TTC1: variants seen among roughly 807,000 people sequenced by gnomAD.
The protein encoded by TTC1 is tetratricopeptide repeat protein 1.
Under a neutral mutation model 37.6 loss-of-function variants are expected in TTC1, and 31 were observed. The observed-to-expected ratio is 0.82, with a 90% CI of 0.62 to 1.11. The LOEUF (loss-of-function observed/expected upper bound fraction) is 1.11, where lower values mean the gene tolerates loss of function less well. Ranked by LOEUF, TTC1 falls within the 50% of genes most tolerant of loss-of-function variation. TTC1 has a pLI of 0.00. For missense variants in TTC1, 351 were observed against 339.0 expected (o/e 1.04, Z -0.28); for synonymous variants, 127 against 122.4 (o/e 1.04, Z -0.25).
intron 2 of TTC1, among the ~76,000 whole-genome samples, chr5:160,022,496 G>A (rs374575600): frequency 2.6e-5 from 4 of 152,160 alleles, no homozygotes; most frequent in South Asian, 2.1e-4. Flanking sequence ...TCCATTTGAA[G>A]CTCTTAGCAC....
intron 4 of TTC1, among the ~76,000 whole-genome samples, 200 bp from the exon 5 acceptor site, chr5:160,042,933 C>T (rs920358084): frequency 6.6e-6 from 1 of 152,294 alleles, no homozygotes; most frequent in Non-Finnish European, 1.5e-5. Context: ...TACCAGGAGG[C>T]CTTCAGATCA....
chr5:160,043,524 T>C (rs1466667085), intron 5 of TTC1, among the ~76,000 whole-genome samples: 3 of 152,074 alleles, frequency 2.0e-5, no homozygotes, highest in African/African-American at 4.8e-5. Context: ...GCCCAGGAGG[T>C]TGGGGCTGTG....
intron 2 of TTC1, among the ~76,000 whole-genome samples, chr5:160,032,430 C>T (rs898597398): frequency 6.6e-6 from 1 of 152,162 alleles, no homozygotes; most frequent in Non-Finnish European, 1.5e-5. Context: ...TCCAACACCC[C>T]TTCCTATTTG....
At chr5:160,014,726 A>G (rs890747870) in intron 2 of TTC1, among the ~76,000 whole-genome samples, 7 of 152,098 alleles carry the variant, frequency 4.6e-5, no homozygotes, top group African/African-American at 1.7e-4. Flanking sequence ...AAATAATTTT[A>G]AAATCGTCAC....
chr5:160,028,986 T>C (rs900777829), intron 2 of TTC1, among the ~76,000 whole-genome samples: 16 of 152,286 alleles, frequency 1.1e-4, no homozygotes, highest in African/African-American at 3.8e-4. Context: ...AAAAGATAAT[T>C]CCATTAACTT....
At chr5:160,017,553 G>C (rs893475640) in intron 2 of TTC1, among the ~76,000 whole-genome samples, 1 of 152,118 alleles carries the variant, frequency 6.6e-6, no homozygotes, top group Non-Finnish European at 1.5e-5. Context: ...GACACATTCA[G>C]ACCATAGCAA....
chr5:160,032,162 C>T (rs1271404489), intron 2 of TTC1, among the ~76,000 whole-genome samples: 4 of 152,142 alleles, frequency 2.6e-5, no homozygotes, highest in Non-Finnish European at 5.9e-5. Flanking sequence ...CACATACACA[C>T]GCTTACTTCA....
intron 2 of TTC1, among the ~76,000 whole-genome samples, chr5:160,018,943 G>A (rs1394331640): frequency 1.3e-5 from 2 of 152,328 alleles, no homozygotes; most frequent in Admixed American, 6.5e-5. Flanking sequence ...GGAGTGAGAC[G>A]TTAGAATGAT....
chr5:160,011,998 T>C (rs1199078314), intron 2 of TTC1, among the ~76,000 whole-genome samples: 2 of 152,206 alleles, frequency 1.3e-5, no homozygotes, highest in African/African-American at 2.4e-5. Context: ...AATGTGAACG[T>C]GTTCGTTTTT....
chr5:160,024,072 T>C, intron 2 of TTC1: 1 of 1,013,440 alleles, frequency 9.9e-7, no homozygotes, highest in Non-Finnish European at 1.6e-6. Flanking sequence ...AGCATGTAAG[T>C]GTGGGGGGAT....
At position 160,051,139 on chromosome 5, in the gene TTC1, A is replaced by G; in HGVS notation, c.701A>G (p.Lys234Arg). ...TCCTCTTTTCCTCAGAGATTACCTA[A>G]GCAAATTGAAGAACGTAATGAAAGA... ...QAREACMRLPKQIEERNERLK... is the reference protein window; with the variant it reads ...QAREACMRLPRQIEERNERLK... The change falls in exon 7 of 8, where the codon AAG becomes AGG. Residue 234 changes from lysine (K) to arginine (R), a missense_variant. Coordinates refer to ENST00000231238, the MANE Select transcript of TTC1 (RefSeq NM_003314.3). The G allele has an allele frequency of 6.2e-7, 1 of 1,608,878 alleles. No individual in the cohort carries two copies. Among genetic ancestry groups the G allele is most frequent in the South Asian group, 1.1e-5 (1 of 90,582 alleles).
At chr5:160,035,273 C>T in intron 3 of TTC1, 73 bp downstream of exon 3, 1 of 1,260,394 alleles carries the variant, frequency 7.9e-7, no homozygotes, top group Non-Finnish European at 1.1e-6. Flanking sequence ...GTGAAGAAAC[C>T]CCAAAGAACA....
At chr5:160,054,657 G>GA (rs1047889654) in intron 7 of TTC1, among the ~76,000 whole-genome samples, 309 of 142,562 alleles carry the variant, frequency 2.2e-3, no homozygotes, top group East Asian at 8.5e-3. Context: ...CCACAATATA[G>GA]AAAAAAAAAA....
intron 2 of TTC1, among the ~76,000 whole-genome samples, chr5:160,020,861 T>C (rs1242520873): frequency 6.6e-6 from 1 of 152,220 alleles, no homozygotes. Flanking sequence ...TTAATAATTA[T>C]AAAGTACACA....
intron 2 of TTC1, among the ~76,000 whole-genome samples, chr5:160,021,982 C>A (rs564978850): frequency 6.6e-6 from 1 of 152,034 alleles, no homozygotes; most frequent in African/African-American, 2.4e-5. Context: ...AAGTGTATGC[C>A]GTTTTATTTT....
intron 2 of TTC1, among the ~76,000 whole-genome samples, chr5:160,020,732 C>CT (rs1756689838): frequency 6.6e-6 from 1 of 152,222 alleles, no homozygotes; most frequent in African/African-American, 2.4e-5. Context: ...GCCTGATAGT[C>CT]TATCACTGTC....
intron 2 of TTC1, among the ~76,000 whole-genome samples, chr5:160,030,245 T>C (rs1756886582): frequency 6.6e-6 from 1 of 152,280 alleles, no homozygotes; most frequent in South Asian, 2.1e-4. Context: ...ATGGAAGAGT[T>C]ATTCCATGGA....
At chr5:160,048,519 AC>A (rs1214928901) in intron 5 of TTC1, among the ~76,000 whole-genome samples, 2 of 152,292 alleles carry the variant, frequency 1.3e-5, no homozygotes, top group Admixed American at 6.5e-5. Context: ...AGTATGTTGA[AC>A]CAAAACATAG....
chr5:160,043,122 T>C lies in TTC1; in HGVS notation c.505-11T>C, dbSNP rs1395974566. 6.2e-7 allele frequency: 1 copy of C among 1,613,270 alleles called. No individual in the cohort carries two copies. Among genetic ancestry groups the C allele is most frequent in the Non-Finnish European group, 8.5e-7 (1 of 1,179,656 alleles). On this transcript the variant is annotated splice_polypyrimidine_tract_variant and intron_variant, in intron 4 of 7. Transcript: ENST00000231238. The stretch of plus-strand genomic sequence containing the variant: ...TAGGGCAACACATATTAATACTGTT[T>C]TTCTTTTTAGGACAAGAAAGAAATG...
Sources: allele counts gnomAD v4.1 joint callset (sites outside exome capture counted in the v4.1 genomes callset), GRCh38; gene constraint gnomAD v4.1.1; transcripts MANE v1.5; gene names NCBI Gene and HGNC (gene_info 2026-07-23, HGNC 2026-07-21).